KCNN3: variants seen among roughly 807,000 people sequenced by gnomAD.
KCNN3 encodes the protein small conductance calcium-activated potassium channel protein 3.
A neutral mutation model predicts 62.9 loss-of-function variants in KCNN3; 16 were observed. That is an observed-to-expected ratio of 0.25 (90% CI 0.17 to 0.39). The LOEUF is 0.39. Among genes scored for constraint, KCNN3 ranks in the 10% least tolerant of loss-of-function variants. KCNN3 has a pLI of 1.00. For synonymous variants in KCNN3, 370 were observed against 389.2 expected (o/e 0.95, Z 0.58); for missense variants, 599 against 949.4 (o/e 0.63, Z 4.85).
chr1:154,711,228 C>A (rs879337093), intron 7 of KCNN3, among the ~76,000 whole-genome samples: 1 of 150,006 alleles, frequency 6.7e-6, no homozygotes, highest in African/African-American at 2.5e-5. Flanking sequence ...TCATTCTCAG[C>A]AAACTATCGC....
chr1:154,848,419 C>T (rs1296733126), intron 1 of KCNN3, among the ~76,000 whole-genome samples: 1 of 152,148 alleles, frequency 6.6e-6, no homozygotes, highest in African/African-American at 2.4e-5. Flanking sequence ...AACACTGCTT[C>T]CAGCTTCCTC....
intron 1 of KCNN3, among the ~76,000 whole-genome samples, chr1:154,853,375 C>T (rs1048322025): frequency 2.0e-5 from 3 of 151,322 alleles, no homozygotes; most frequent in Non-Finnish European, 4.4e-5. Flanking sequence ...TCACTCTATT[C>T]CCCAGGCTGG....
chr1:154,852,389 T>C (rs919960903), intron 1 of KCNN3, among the ~76,000 whole-genome samples: 1 of 145,524 alleles, frequency 6.9e-6, no homozygotes, highest in African/African-American at 2.6e-5. Flanking sequence ...TTTTTTTTTT[T>C]AGAGAGATAG....
chr1:154,747,353 G>C (rs1473548488), intron 3 of KCNN3, among the ~76,000 whole-genome samples: 1 of 152,100 alleles, frequency 6.6e-6, no homozygotes, highest in African/African-American at 2.4e-5. Flanking sequence ...ACCCTCCCCT[G>C]CTCCCAATCT....
chr1:154,797,015 C>A (rs181805839), intron 2 of KCNN3, among the ~76,000 whole-genome samples: 1 of 152,164 alleles, frequency 6.6e-6, no homozygotes, highest in Non-Finnish European at 1.5e-5. Context: ...CAGCAGCCTG[C>A]GACAACTAGT....
chr1:154,771,991 C>T lies in KCNN3; in HGVS notation c.1432G>A (p.Val478Ile), dbSNP rs148925371. 34 of 1,613,940 alleles carry T rather than the reference C, an allele frequency of 2.1e-5. No homozygotes were observed. Among genetic ancestry groups the T allele is most frequent in the Admixed American group, 6.7e-5 (4 of 60,004 alleles). ...GTGGAATACCTTTCACAGACACGGACGGTCCAGGCAGCAATGATCCACAGA... is the reference window on the plus strand; with the variant it reads ...GTGGAATACCTTTCACAGACACGGATGGTCCAGGCAGCAATGATCCACAGA... ...ISLWIIAAWTVRVCERYHDQQ... is the reference protein window; with the variant it reads ...ISLWIIAAWTIRVCERYHDQQ... Residue 478 changes from valine to isoleucine, a missense_variant, in exon 3 of 8, where the codon GTC becomes ATC. Physicochemically the swap from Val to Ile is conservative, Grantham distance 29 (BLOSUM62 3). Around this residue, in one of 7 missense-constraint regions of KCNN3, gnomAD observed 288 missense variants for 557.4 expected, o/e 0.52. Coordinates refer to ENST00000271915, the MANE Select transcript of KCNN3 (RefSeq NM_002249.6).
At position 154,700,480 on chromosome 1, in the gene KCNN3, G is replaced by T. The variant is rs1053538312; in HGVS notation, c.*7496C>A. 6.6e-6 allele frequency: 1 copy of T among 152,218 alleles called. No homozygotes were observed. Among genetic ancestry groups the T allele is most frequent in the Non-Finnish European group, 1.5e-5 (1 of 68,028 alleles). The allele number at this position is 152,218 out of a possible 1,614,324, so 9.4% of individuals were successfully genotyped here. ...CAGAATATATTTGCTCTTTATAAAT[G>T]TAAGTCTTGGTCTGAGCAGTGTTAG... is the stretch of plus-strand genomic sequence containing the variant. On this transcript the variant is annotated 3_prime_UTR_variant, in exon 8 of 8. Coordinates refer to ENST00000271915, the MANE Select transcript of KCNN3 (RefSeq NM_002249.6).
chr1:154,822,286 G>T, intron 1 of KCNN3, 102 bp from the exon 2 acceptor site: 1 of 865,518 alleles, frequency 1.2e-6, no homozygotes, highest in South Asian at 1.4e-5. Flanking sequence ...ACACAGGAGG[G>T]ACTGTTACCA....
chr1:154,765,563 T>C (rs1648217744), intron 3 of KCNN3, among the ~76,000 whole-genome samples: 1 of 152,102 alleles, frequency 6.6e-6, no homozygotes. Flanking sequence ...CACTCTTCTC[T>C]ATCATAAGGA....
At chr1:154,793,433 G>T (rs1571281861) in intron 2 of KCNN3, among the ~76,000 whole-genome samples, 1 of 152,162 alleles carries the variant, frequency 6.6e-6, no homozygotes, top group Non-Finnish European at 1.5e-5. Flanking sequence ...GCATGGGAGG[G>T]TGGCAGACCC....
In KCNN3 at chr1:154,697,742, C is replaced by A. The variant is rs1699768851; in HGVS notation, c.*10234G>T. ...CTGGACACATGTGGTCAATACACAT[C>A]CTGGATCTTACAAATCCAATGGTGG... On this transcript the variant is annotated 3_prime_UTR_variant, in exon 8 of 8. Transcript: ENST00000271915. 6.6e-6 allele frequency: 1 copy of A among 152,242 alleles called. No homozygotes were observed. Among genetic ancestry groups the A allele is most frequent in the Non-Finnish European group, 1.5e-5 (1 of 68,056 alleles). 9.4% of individuals were successfully genotyped at this position (152,242 alleles called of 1,614,324 possible).
chr1:154,740,865 T>C (rs1506985), intron 3 of KCNN3, among the ~76,000 whole-genome samples: 121,178 of 152,086 alleles, frequency 0.8, 48,669 homozygotes, highest in East Asian at 0.99. Context: ...AAAAGTTATT[T>C]ATATATTCTA....
chr1:154,776,026 G>A (rs1362185643), intron 2 of KCNN3, among the ~76,000 whole-genome samples: 2 of 152,160 alleles, frequency 1.3e-5, no homozygotes, highest in African/African-American at 2.4e-5. Context: ...AAGAGCTGAA[G>A]GGGAGAATGC....
chr1:154,716,334 A>C (rs1401237573), intron 5 of KCNN3, among the ~76,000 whole-genome samples: 1 of 152,272 alleles, frequency 6.6e-6, no homozygotes, highest in Admixed American at 6.5e-5. Context: ...GCAGACTGGC[A>C]TGTGTCCACA....
At chr1:154,709,319 G>A (rs1235772496) in intron 7 of KCNN3, among the ~76,000 whole-genome samples, 1 of 152,130 alleles carries the variant, frequency 6.6e-6, no homozygotes, top group African/African-American at 2.4e-5. Context: ...GAGGCTCCTG[G>A]GGCGGCAATG....
chr1:154,869,210 C>T lies in KCNN3; in HGVS notation c.755G>A (p.Ser252Asn), dbSNP rs1209955323. ...NHQHAGTTAS[S>N]TTFPKANKRK... ...CTTGTTGGCTTTGGGGAAGGTGGTGCTGCTGGCGGTGGTGCCGGCATGCTG... is the reference window on the plus strand; with the variant it reads ...CTTGTTGGCTTTGGGGAAGGTGGTGTTGCTGGCGGTGGTGCCGGCATGCTG... The change falls in exon 1 of 8, where the codon AGC becomes AAC. Residue 252 changes from serine to asparagine, a missense_variant. Physicochemically the swap from Ser to Asn is conservative, Grantham distance 46. Transcript: ENST00000271915. The surrounding 1 kb of genome is among the most constrained non-coding windows in gnomAD (Gnocchi z 6.1). 1.9e-6 allele frequency: 3 copies of T among 1,614,104 alleles called. No individual in the cohort carries two copies. The highest frequency in any genetic ancestry group is 2.5e-6 in the Non-Finnish European group (3 of 1,180,002).
rs977502714 is a variant in KCNN3, at chr1:154,702,547, G to C, written c.*5429C>G. On this transcript the variant is annotated 3_prime_UTR_variant, in exon 8 of 8. Coordinates refer to ENST00000271915, the MANE Select transcript of KCNN3 (RefSeq NM_002249.6). ...GAATGGAGAGTCTGGGACCAAAATT[G>C]AGTTGTTGCGCCATTAAAAAACGTA... is the stretch of plus-strand genomic sequence containing the variant. The C allele has an allele frequency of 6.6e-6, 1 of 150,850 alleles. No homozygotes were observed. Among genetic ancestry groups the C allele is most frequent in the East Asian group, 1.9e-4 (1 of 5,134 alleles). The allele number at this position is 150,850 out of a possible 1,614,324, so 9.3% of individuals were successfully genotyped here.
chr1:154,834,527 A>G (rs1031114901), intron 1 of KCNN3, among the ~76,000 whole-genome samples: 1 of 152,196 alleles, frequency 6.6e-6, no homozygotes, highest in African/African-American at 2.4e-5. Flanking sequence ...GCGGGAGCTC[A>G]TTCCACACTA....
chr1:154,803,638 G>A (rs1424267473), intron 2 of KCNN3, among the ~76,000 whole-genome samples: 1 of 152,216 alleles, frequency 6.6e-6, no homozygotes, highest in Non-Finnish European at 1.5e-5. Context: ...GTTGAGTCCT[G>A]TTTTTAAGTG....
Sources: allele counts gnomAD v4.1 joint callset (sites outside exome capture counted in the v4.1 genomes callset), GRCh38; gene constraint gnomAD v4.1.1; regional missense constraint gnomAD v4.1.1; non-coding constraint Gnocchi (gnomAD v3.1); transcripts MANE v1.5; gene names NCBI Gene and HGNC (gene_info 2026-07-23, HGNC 2026-07-21).